Variants in XIRP2 observed in about 807,000 individuals in gnomAD.
XIRP2 encodes the protein xin actin-binding repeat-containing protein 2.
A neutral mutation model predicts 277.0 loss-of-function variants in XIRP2; 236 were observed. That is an observed-to-expected ratio of 0.85 (90% CI 0.77 to 0.95). The LOEUF (loss-of-function observed/expected upper bound fraction) is 0.95. Among genes scored for constraint, XIRP2 ranks in the 40% least tolerant of loss-of-function variants. The pLI is 0.00. For synonymous variants in XIRP2, 1,490 were observed against 1,416.5 expected, an observed-to-expected ratio of 1.05 and a Z score of -1.17; for missense variants, 4,640 against 4,157.5, an observed-to-expected ratio of 1.12 and a Z score of -3.19.
intron 6 of XIRP2, 117 bp from the exon 7 acceptor site, chr2:167,240,547 C>T: frequency 1.2e-6 from 1 of 814,606 alleles, no homozygotes; most frequent in African/African-American, 1.7e-5. Flanking sequence ...ATTAGCATCT[C>T]TCAATGTACA....
chr2:167,248,026 C>CTT lies in XIRP2; in HGVS notation c.6637_6638dup (p.Leu2213PhefsTer4). 1.2e-6 allele frequency: 2 copies of CTT among 1,613,478 alleles called. No individual in the cohort carries two copies. The highest frequency in any genetic ancestry group is 1.7e-6 in the Non-Finnish European group (2 of 1,179,694). ...TATAAACCTTCAACCAATGTGGCAGCTTTTGCCTGTAGAGCAAGACACATC... is the reference window on the plus strand; with the variant it reads ...TATAAACCTTCAACCAATGTGGCAGCTTTTTTGCCTGTAGAGCAAGACACATC... On this transcript the variant is annotated frameshift_variant, in exon 9 of 11. Coordinates refer to ENST00000409195, the MANE Select transcript of XIRP2 (RefSeq NM_152381.6). LOFTEE classifies it high-confidence loss of function.
At chr2:166,916,079 A>G (rs904843624) in intron 2 of XIRP2, among the ~76,000 whole-genome samples, 2 of 152,210 alleles carry the variant, frequency 1.3e-5, no homozygotes, top group African/African-American at 4.8e-5. Context: ...TAAAGATGCT[A>G]TAGTTTTCAG....
At chr2:167,130,941 A>G (rs148746479) in intron 2 of XIRP2, among the ~76,000 whole-genome samples, 2 of 152,062 alleles carry the variant, frequency 1.3e-5, no homozygotes, top group East Asian at 1.9e-4. Flanking sequence ...CAGAGTTAAT[A>G]TTACCAACTT....
At chr2:166,892,743 C>T (rs967592394) in intron 1 of XIRP2, among the ~76,000 whole-genome samples, 3 of 150,742 alleles carry the variant, frequency 2.0e-5, no homozygotes, top group East Asian at 2.0e-4. Context: ...ACATAGAATG[C>T]TACAATTTTG....
intron 3 of XIRP2, among the ~76,000 whole-genome samples, chr2:167,170,775 T>C (rs760000236): frequency 9.9e-5 from 15 of 152,096 alleles, no homozygotes; most frequent in Admixed American, 6.5e-5. Flanking sequence ...TTATGGTACA[T>C]TTCTATTATA....
At chr2:167,149,995 G>A (rs971696523) in intron 3 of XIRP2, among the ~76,000 whole-genome samples, 4 of 151,788 alleles carry the variant, frequency 2.6e-5, no homozygotes, top group African/African-American at 4.8e-5. Context: ...ATATGAAAAC[G>A]TGGGGTACTA....
chr2:167,172,845 T>C (rs755320974), intron 3 of XIRP2, among the ~76,000 whole-genome samples: 1 of 152,116 alleles, frequency 6.6e-6, no homozygotes, highest in Non-Finnish European at 1.5e-5. Flanking sequence ...ACGAAGATGA[T>C]GGGATTAAGA....
intron 2 of XIRP2, among the ~76,000 whole-genome samples, chr2:166,945,199 G>A (rs1341585569): frequency 6.6e-6 from 1 of 152,164 alleles, no homozygotes; most frequent in Non-Finnish European, 1.5e-5. Flanking sequence ...AAAGTAAGGA[G>A]TATGAGAAAG....
chr2:166,920,263 G>C (rs753713456), intron 2 of XIRP2, among the ~76,000 whole-genome samples: 1 of 152,120 alleles, frequency 6.6e-6, no homozygotes, highest in Non-Finnish European at 1.5e-5. Flanking sequence ...CTATGATGTG[G>C]AGAAGTTAAT....
intron 5 of XIRP2, among the ~76,000 whole-genome samples, chr2:167,219,947 A>C (rs1209397223): frequency 6.6e-6 from 1 of 152,218 alleles, no homozygotes; most frequent in Non-Finnish European, 1.5e-5. Context: ...AATGGCCTAA[A>C]CCAAAAGAAA....
chr2:166,981,176 G>C (rs1431979430), intron 2 of XIRP2, among the ~76,000 whole-genome samples: 1 of 152,036 alleles, frequency 6.6e-6, no homozygotes, highest in African/African-American at 2.4e-5. Flanking sequence ...GAACCTGGGG[G>C]TCTTACAACA....
At chr2:167,099,156 A>C (rs554125207) in intron 2 of XIRP2, among the ~76,000 whole-genome samples, 1 of 152,292 alleles carries the variant, frequency 6.6e-6, no homozygotes, top group African/African-American at 2.4e-5. Flanking sequence ...AGGTTTATCT[A>C]TAAGCTCCTG....
chr2:167,168,714 A>G (rs1692593656), intron 3 of XIRP2, among the ~76,000 whole-genome samples: 1 of 152,154 alleles, frequency 6.6e-6, no homozygotes, highest in Admixed American at 6.6e-5. Context: ...TCCCGGGTTC[A>G]CACCATTCTC....
intron 2 of XIRP2, among the ~76,000 whole-genome samples, chr2:167,053,432 T>A (rs999703005): frequency 3.9e-5 from 6 of 152,180 alleles, no homozygotes; most frequent in Admixed American, 1.3e-4. Context: ...TATGTTTTTT[T>A]AAAAATCTAA....
intron 2 of XIRP2, among the ~76,000 whole-genome samples, chr2:166,978,711 G>C (rs1248816845): frequency 6.6e-6 from 1 of 152,052 alleles, no homozygotes; most frequent in Non-Finnish European, 1.5e-5. Flanking sequence ...AGCCAGACAT[G>C]GTGGCTCACG....
At position 167,242,034 on chromosome 2, in the gene XIRP2, A is replaced by G. The variant is rs1391161766; in HGVS notation, c.1176+124A>G. 63 of 1,257,412 alleles carry G rather than the reference A, an allele frequency of 5.0e-5. No homozygotes were observed. The East Asian group carries it at 1.5e-3, about 31-fold the overall frequency. 77.9% of individuals were successfully genotyped at this position (1,257,412 alleles called of 1,614,324 possible). A position where few individuals can be genotyped will look rare whatever the true frequency, so the allele number is the denominator to read the frequency against. The stretch of plus-strand genomic sequence containing the variant: ...AAAAAAAAATTCTGAACTGGCATTT[A>G]TTCAGTTCTGTAAGGAGAATATTGA... On this transcript the variant is annotated intron_variant, in intron 8 of 10. Transcript: ENST00000409195.
At position 167,248,381 on chromosome 2, in the gene XIRP2, CCA is replaced by C; in HGVS notation, c.6992_6993del (p.Thr2331ArgfsTer6). Reference sequence around the variant, plus strand: ...AAAAATGGGTTTCTTCCCTCACTGTCCACAGAGAAGATAAAGGCTGAATTTGA... The same window carrying C: ...AAAAATGGGTTTCTTCCCTCACTGTCCAGAGAAGATAAAGGCTGAATTTGA... On this transcript the variant is annotated frameshift_variant, in exon 9 of 11. Transcript: ENST00000409195. LOFTEE classifies it high-confidence loss of function. 6.2e-7 allele frequency: 1 copy of C among 1,613,762 alleles called. No homozygotes were observed. The highest frequency in any genetic ancestry group is 1.7e-5 in the Admixed American group (1 of 59,964).
chr2:167,234,514 T>C (rs938473803), intron 5 of XIRP2, among the ~76,000 whole-genome samples: 2 of 151,584 alleles, frequency 1.3e-5, no homozygotes, highest in African/African-American at 4.8e-5. Flanking sequence ...TAACTATTGT[T>C]TGAATAAATA....
In XIRP2 at chr2:167,248,310, T is replaced by G; in HGVS notation, c.6918T>G (p.Ile2306Met). 1.9e-6 allele frequency: 3 copies of G among 1,613,726 alleles called. No homozygotes were observed. Among genetic ancestry groups the G allele is most frequent in the Non-Finnish European group, 2.5e-6 (3 of 1,179,824 alleles). The change falls in exon 9 of 11, where the codon ATT becomes ATG. Residue 2306 changes from isoleucine to methionine, a missense_variant. Ile to Met is a conservative substitution (Grantham distance 10). Transcript: ENST00000409195. Reference sequence around the variant, plus strand: ...CACCTTCTAATGCATCATCTGAAATTGAATTTCCTCTTCCTCCTCCACCTC... The same window carrying G: ...CACCTTCTAATGCATCATCTGAAATGGAATTTCCTCTTCCTCCTCCACCTC... ...PPPPSNASSEIEFPLPPPPPL... is the reference protein window; with the variant it reads ...PPPPSNASSEMEFPLPPPPPL...
Sources: allele counts gnomAD v4.1 joint callset (sites outside exome capture counted in the v4.1 genomes callset), GRCh38; gene constraint gnomAD v4.1.1; transcripts MANE v1.5; gene names NCBI Gene and HGNC (gene_info 2026-07-23, HGNC 2026-07-21).